The following NCOA7 variants were observed in gnomAD, a reference collection of about 807,000 sequenced individuals.
NCOA7 encodes nuclear receptor coactivator 7, also known as 140 kDa estrogen receptor-associated protein.
A neutral mutation model predicts 104.3 loss-of-function variants in NCOA7; 45 were observed. The observed-to-expected ratio is 0.43, with a 90% CI of 0.34 to 0.55. NCOA7 has a LOEUF of 0.55. Among genes scored for constraint, NCOA7 ranks in the 20% least tolerant of loss-of-function variants. The pLI, the probability that NCOA7 is intolerant of heterozygous loss-of-function variation, is 0.02. For missense variants in NCOA7, 1,041 were observed against 1,119.7 expected (o/e 0.93, Z 1.00); for synonymous variants, 398 against 402.3 (o/e 0.99, Z 0.13).
At chr6:125,859,812 T>C (rs1376921517) in intron 3 of NCOA7, among the ~76,000 whole-genome samples, 1 of 152,240 alleles carries the variant, frequency 6.6e-6, no homozygotes, top group Admixed American at 6.5e-5. Flanking sequence ...TACTTTTATC[T>C]GTGCCTCACT....
intron 2 of NCOA7, among the ~76,000 whole-genome samples, chr6:125,851,822 AT>A (rs969267964): frequency 6.6e-6 from 1 of 151,728 alleles, no homozygotes; most frequent in African/African-American, 2.4e-5. Flanking sequence ...TGTGGTTTTT[AT>A]TTGTATCTCC....
At chr6:125,920,065 G>A (rs1169414083) in intron 11 of NCOA7, among the ~76,000 whole-genome samples, 1 of 152,166 alleles carries the variant, frequency 6.6e-6, no homozygotes, top group African/African-American at 2.4e-5. Flanking sequence ...TTTAAGAAGG[G>A]CCAAAAATGG....
At chr6:125,847,848 A>T (rs1409481256) in intron 2 of NCOA7, among the ~76,000 whole-genome samples, 1 of 152,236 alleles carries the variant, frequency 6.6e-6, no homozygotes, top group Non-Finnish European at 1.5e-5. Context: ...AAAAGAAACT[A>T]TCATCAGAGT....
At chr6:125,846,978 G>C (rs1446792923) in intron 2 of NCOA7, among the ~76,000 whole-genome samples, 1 of 152,170 alleles carries the variant, frequency 6.6e-6, no homozygotes, top group Admixed American at 6.5e-5. Flanking sequence ...CTTGTCATAA[G>C]TTTTTGAAAA....
intron 2 of NCOA7, among the ~76,000 whole-genome samples, chr6:125,845,759 C>T (rs1000165871): frequency 6.6e-6 from 1 of 152,160 alleles, no homozygotes; most frequent in Non-Finnish European, 1.5e-5. Flanking sequence ...GAGCAAGACT[C>T]TGTCTCAAAA....
chr6:125,814,352 C>T (rs1251508154), intron 1 of NCOA7, among the ~76,000 whole-genome samples: 1 of 152,176 alleles, frequency 6.6e-6, no homozygotes, highest in Non-Finnish European at 1.5e-5. Flanking sequence ...GATGTGGTTT[C>T]ACCCTGTTGG....
chr6:125,821,357 A>G (rs1414138316), intron 2 of NCOA7, among the ~76,000 whole-genome samples: 1 of 152,170 alleles, frequency 6.6e-6, no homozygotes, highest in Non-Finnish European at 1.5e-5. Flanking sequence ...TAGGCGTGTC[A>G]GGATTTGAAC....
intron 8 of NCOA7, among the ~76,000 whole-genome samples, chr6:125,887,979 G>A (rs1303829957): frequency 6.6e-6 from 1 of 152,070 alleles, no homozygotes; most frequent in Non-Finnish European, 1.5e-5. Flanking sequence ...GTGCAGGTTT[G>A]TTACATAGGT....
intron 10 of NCOA7, among the ~76,000 whole-genome samples, chr6:125,908,731 T>TA (rs1786257404): frequency 6.6e-6 from 1 of 152,202 alleles, no homozygotes; most frequent in Non-Finnish European, 1.5e-5. Flanking sequence ...GAATACTAAG[T>TA]CCTACTTATA....
rs1426833816 is a variant in NCOA7, at chr6:125,929,605, A to C, written c.*834A>C. On this transcript the variant is annotated 3_prime_UTR_variant, in exon 16 of 16. Transcript: ENST00000392477. The stretch of plus-strand genomic sequence containing the variant: ...ACTATTATAGGCCAGCTTTCCATTT[A>C]GTCAATAAAAGCGTACATTTTTAGT... 1 of 152,156 alleles carries C rather than the reference A, an allele frequency of 6.6e-6. No individual in the cohort carries two copies. The highest frequency in any genetic ancestry group is 1.5e-5 in the Non-Finnish European group (1 of 68,008). 9.4% of individuals were successfully genotyped at this position (152,156 alleles called of 1,614,324 possible).
At chr6:125,830,692 G>A (rs1467624140) in intron 2 of NCOA7, among the ~76,000 whole-genome samples, 1 of 151,502 alleles carries the variant, frequency 6.6e-6, no homozygotes, top group Non-Finnish European at 1.5e-5. Flanking sequence ...GGGTGACAAA[G>A]TGAGGCCCTG....
intron 2 of NCOA7, among the ~76,000 whole-genome samples, chr6:125,832,827 T>C (rs2128593884): frequency 1.3e-5 from 2 of 152,300 alleles, no homozygotes; most frequent in Middle Eastern, 6.8e-3. Flanking sequence ...AACCGCTGGA[T>C]CTCTCAGCCA....
In NCOA7 at chr6:125,863,704, T is replaced by G. The variant is rs563299470; in HGVS notation, c.271+8464T>G. The stretch of plus-strand genomic sequence containing the variant: ...AATAACAGAAATGTATTTCTCACAG[T>G]TCTGGAGGCTGGAAAGTCCAAGATT... On this transcript the variant is annotated intron_variant, in intron 3 of 15. Transcript: ENST00000392477. Among the ~76,000 whole-genome samples the G allele has an allele frequency of 3.6e-5, 5 of 138,258 alleles. 2 individuals are homozygous for G. In the East Asian group the frequency reaches 1.1e-3, roughly 29 times the overall value. The allele number at this position is 138,258 out of a possible 152,430, so 90.7% of individuals were successfully genotyped here. A position where few individuals can be genotyped will look rare whatever the true frequency, so the allele number is the denominator to read the frequency against.
At chr6:125,838,277 G>T (rs1257236885) in intron 2 of NCOA7, among the ~76,000 whole-genome samples, 1 of 152,126 alleles carries the variant, frequency 6.6e-6, no homozygotes, top group African/African-American at 2.4e-5. Flanking sequence ...GATTACAGTG[G>T]CAAGATAGAT....
intron 1 of NCOA7, among the ~76,000 whole-genome samples, chr6:125,811,475 G>A (rs2128566106): frequency 6.6e-6 from 1 of 152,310 alleles, no homozygotes; most frequent in Middle Eastern, 3.4e-3. Context: ...AGTTATAGGT[G>A]ATATATGAAA....
intron 2 of NCOA7, among the ~76,000 whole-genome samples, chr6:125,824,649 T>G (rs545967041): frequency 6.6e-6 from 1 of 152,298 alleles, no homozygotes; most frequent in East Asian, 1.9e-4. Context: ...AACTTGTCTG[T>G]AAACCTGCTT....
chr6:125,833,308 C>T (rs976847660), intron 2 of NCOA7, among the ~76,000 whole-genome samples: 6 of 152,144 alleles, frequency 3.9e-5, no homozygotes, highest in Non-Finnish European at 5.9e-5. Flanking sequence ...TGGGGCTGGC[C>T]GGGCTTGGTG....
chr6:125,895,570 C>A (rs1356047384), intron 10 of NCOA7, among the ~76,000 whole-genome samples: 2 of 152,170 alleles, frequency 1.3e-5, no homozygotes, highest in African/African-American at 2.4e-5. Flanking sequence ...TAAAGAAATA[C>A]CTGTGACTGG....
upstream of NCOA7, among the ~76,000 whole-genome samples, chr6:125,787,445 A>G (rs2128539299): frequency 6.6e-6 from 1 of 152,344 alleles, no homozygotes; most frequent in Non-Finnish European, 1.5e-5. Flanking sequence ...GCCTGAACCC[A>G]GAGATCCAGC....
Sources: allele counts gnomAD v4.1 joint callset (sites outside exome capture counted in the v4.1 genomes callset), GRCh38; gene constraint gnomAD v4.1.1; transcripts MANE v1.5; gene names NCBI Gene and HGNC (gene_info 2026-07-23, HGNC 2026-07-21).